Variants in SIRPA observed in about 807,000 individuals in gnomAD.
The protein encoded by SIRPA is tyrosine-protein phosphatase non-receptor type substrate 1.
In SIRPA, 9 loss-of-function variants were observed where a neutral mutation model predicts 50.3. The observed-to-expected ratio is 0.18, with a 90% CI of 0.11 to 0.31. The LOEUF is 0.31. SIRPA is among the 10% of genes least tolerant of loss of function. The pLI is 1.00. For missense variants in SIRPA, 474 were observed against 661.6 expected, an observed-to-expected ratio of 0.72 and a Z score of 3.11; for synonymous variants, 265 against 284.1, an observed-to-expected ratio of 0.93 and a Z score of 0.68.
rs1457787574 is a variant in SIRPA at position 1,928,692 on chromosome 20, G to T, written c.1226+793G>T. On this transcript the variant is annotated intron_variant, in intron 6 of 7. Transcript: ENST00000358771. The surrounding 1 kb of genome is among the most constrained non-coding windows in gnomAD (Gnocchi z 4.9). ...GCCTCTGAAAAGGGGATGCAAACGG[G>T]TGCCTGAAACTAGTGAGCTATGTTG... is the stretch of plus-strand genomic sequence containing the variant. 1.3e-5 allele frequency among the ~76,000 whole-genome samples: 2 copies of T among 152,150 alleles called. No individual in the cohort carries two copies. The highest frequency in any genetic ancestry group is 2.9e-5 in the Non-Finnish European group (2 of 68,038).
chr20:1,926,061 G>C (rs1985958320), intron 5 of SIRPA, among the ~76,000 whole-genome samples: 1 of 152,196 alleles, frequency 6.6e-6, no homozygotes, highest in African/African-American at 2.4e-5. Flanking sequence ...GCTGAGCTTG[G>C]TTGGGCACAT....
At chr20:1,925,210 A>C (rs754006419) in intron 5 of SIRPA, among the ~76,000 whole-genome samples, 13 of 152,192 alleles carry the variant, frequency 8.5e-5, no homozygotes, top group Non-Finnish European at 1.2e-4. Flanking sequence ...CTTTCCCAGG[A>C]GCCTCCCGGC....
Position 1,932,123 on chromosome 20 carries a change from A to C in SIRPA, c.1227-2592A>C, listed in dbSNP as rs1260897424. ...TGGACTGCTGACGATGTGCCAGCCC[A>C]GTTCTTGGTGCTGGGGCTTCAGCAG... On this transcript the variant is annotated intron_variant, in intron 6 of 7. Transcript: ENST00000358771. The surrounding 1 kb of genome is among the most constrained non-coding windows in gnomAD (Gnocchi z 6.0). Among the ~76,000 whole-genome samples the C allele has an allele frequency of 6.6e-6, 1 of 152,170 alleles. No individual in the cohort carries two copies.
rs1251541267 is a variant in SIRPA at position 1,933,112 on chromosome 20, G to T, written c.1227-1603G>T. Among the ~76,000 whole-genome samples, 1 of 152,210 alleles carries T rather than the reference G, an allele frequency of 6.6e-6. No homozygotes were observed. Among genetic ancestry groups the T allele is most frequent in the African/African-American group, 2.4e-5 (1 of 41,456 alleles). On this transcript the variant is annotated intron_variant, in intron 6 of 7. Coordinates refer to ENST00000358771, the MANE Select transcript of SIRPA (RefSeq NM_001040023.2). This position sits in a 1 kb window ranked among gnomAD's most constrained non-coding sequence, Gnocchi z 4.4. ...GCATGGAGCATGCAAAGGCCCTGGG[G>T]CAGCCTGACTGGCATTCATTCCAAG...
chr20:1,931,437 GCTGT>G (rs1986293251), intron 6 of SIRPA, among the ~76,000 whole-genome samples: 1 of 152,246 alleles, frequency 6.6e-6, no homozygotes, highest in East Asian at 1.9e-4. Context: ...CATGCTTCTT[GCTGT>G]CTATTTCTTC....
chr20:1,901,811 A>G (rs1984229324), intron 1 of SIRPA, among the ~76,000 whole-genome samples: 1 of 152,180 alleles, frequency 6.6e-6, no homozygotes, highest in African/African-American at 2.4e-5. Context: ...ATTAGCGCCA[A>G]GAGCCCAAGG....
At chr20:1,917,309 A>G (rs946270544) in intron 2 of SIRPA, among the ~76,000 whole-genome samples, 2 of 152,152 alleles carry the variant, frequency 1.3e-5, no homozygotes, top group African/African-American at 4.8e-5. Context: ...TGGGGGAGCC[A>G]AGGTTTGATC....
In SIRPA at chr20:1,911,421, G is replaced by A. The variant is rs1984879498; in HGVS notation, c.80-3678G>A. 2.0e-5 allele frequency among the ~76,000 whole-genome samples: 3 copies of A among 152,058 alleles called. No homozygotes were observed. The South Asian group carries it at 6.2e-4, about 31-fold the overall frequency. ...TCTCTAAATGCCTTGCAATGAACAG[G>A]TTTTATTTGCATAAACACAATATTA... On this transcript the variant is annotated intron_variant, in intron 1 of 7. Coordinates refer to ENST00000358771, the MANE Select transcript of SIRPA (RefSeq NM_001040023.2).
At chr20:1,920,249 G>A (rs1168925014) in intron 2 of SIRPA, among the ~76,000 whole-genome samples, 3 of 152,212 alleles carry the variant, frequency 2.0e-5, no homozygotes, top group Admixed American at 6.5e-5. Flanking sequence ...CAGCCCTGTG[G>A]GGACATCCAG....
rs1449394046 is a variant in SIRPA, at chr20:1,924,344, C to A, written c.1088-420C>A. On this transcript the variant is annotated intron_variant, in intron 4 of 7. Transcript: ENST00000358771. This position sits in a 1 kb window ranked among gnomAD's most constrained non-coding sequence, Gnocchi z 4.5. ...GCTGGGCACAGACCGGTCGTCAGCC[C>A]CTGAGCTGTGCAGAGCCTGCTGGCC... Among the ~76,000 whole-genome samples, 3 of 152,176 alleles carry A rather than the reference C, an allele frequency of 2.0e-5. No homozygotes were observed. The highest frequency in any genetic ancestry group is 7.2e-5 in the African/African-American group (3 of 41,446).
chr20:1,905,194 A>G (rs1984473886), intron 1 of SIRPA, among the ~76,000 whole-genome samples: 1 of 152,220 alleles, frequency 6.6e-6, no homozygotes, highest in Non-Finnish European at 1.5e-5. Context: ...AAACCCTGGC[A>G]AATGTCGTTT....
At chr20:1,901,614 G>C (rs1030160682) in intron 1 of SIRPA, among the ~76,000 whole-genome samples, 1 of 152,104 alleles carries the variant, frequency 6.6e-6, no homozygotes, top group Non-Finnish European at 1.5e-5. Context: ...GGTGTTCCTG[G>C]GATGGGTATT....
At chr20:1,913,005 C>T (rs933219735) in intron 1 of SIRPA, among the ~76,000 whole-genome samples, 7 of 152,220 alleles carry the variant, frequency 4.6e-5, no homozygotes, top group Non-Finnish European at 8.8e-5. Context: ...GGCTGGGCCT[C>T]TGTCCACTGT....
At chr20:1,926,060 G>C (rs1158992777) in intron 5 of SIRPA, among the ~76,000 whole-genome samples, 1 of 152,210 alleles carries the variant, frequency 6.6e-6, no homozygotes, top group Non-Finnish European at 1.5e-5. Flanking sequence ...AGCTGAGCTT[G>C]GTTGGGCACA....
At position 1,928,833 on chromosome 20, in the gene SIRPA, G is replaced by T. The variant is rs1290632791; in HGVS notation, c.1226+934G>T. 2.0e-5 allele frequency among the ~76,000 whole-genome samples: 3 copies of T among 152,164 alleles called. 1 individual carries two copies. Among genetic ancestry groups the T allele is most frequent in the African/African-American group, 7.2e-5 (3 of 41,440 alleles). On this transcript the variant is annotated intron_variant, in intron 6 of 7. Transcript: ENST00000358771. The surrounding 1 kb of genome is among the most constrained non-coding windows in gnomAD (Gnocchi z 4.9). ...CGGCATCCCGGTGTCCTTTGCAGAT[G>T]CCCCTGCAGTCAGAGGTGTTACGAA...
In SIRPA at chr20:1,895,516, C is replaced by T. The variant is rs1040190802; in HGVS notation, c.69C>T (p.Cys23=). 3 of 1,459,922 alleles carry T rather than the reference C, an allele frequency of 2.1e-6. No individual in the cohort carries two copies. Among genetic ancestry groups the T allele is most frequent in the African/African-American group, 3.0e-5 (2 of 67,604 alleles). The allele number at this position is 1,459,922 out of a possible 1,614,324, so 90.4% of individuals were successfully genotyped here. A position where few individuals can be genotyped will look rare whatever the true frequency, so the allele number is the denominator to read the frequency against. The change falls in exon 1 of 8, where the codon TGC becomes TGT. Residue 23 remains cysteine, a synonymous_variant. Transcript: ENST00000358771. ...PLLCLLLAAS[C]AWSGVAGEEE... Reference sequence around the variant, plus strand: ...TCTGCCTGCTGCTCGCCGCGTCCTGCGCCTGGTCAGGTAAGCACCCCCCCG... The same window carrying T: ...TCTGCCTGCTGCTCGCCGCGTCCTGTGCCTGGTCAGGTAAGCACCCCCCCG...
chr20:1,923,580 G>C (rs1472290834), intron 4 of SIRPA, among the ~76,000 whole-genome samples: 1 of 152,228 alleles, frequency 6.6e-6, no homozygotes, highest in Non-Finnish European at 1.5e-5. Flanking sequence ...CCAATGCCGG[G>C]TTTTCCTAGG....
chr20:1,907,418 C>T (rs1463992126), intron 1 of SIRPA, among the ~76,000 whole-genome samples: 1 of 152,212 alleles, frequency 6.6e-6, no homozygotes, highest in Non-Finnish European at 1.5e-5. Context: ...AGCCCAGTCC[C>T]AGGTCCTCCC....
chr20:1,919,274 C>T (rs114249973), intron 2 of SIRPA, among the ~76,000 whole-genome samples: 2,136 of 152,332 alleles, frequency 0.014, 66 homozygotes, highest in African/African-American at 0.048. Context: ...TGGCATGGGC[C>T]TAGGCATCTA....
Sources: gnomAD v4.1 joint callset for allele counts (sites outside exome capture counted in the v4.1 genomes callset) on GRCh38, gnomAD v4.1.1 for gene constraint, Gnocchi (gnomAD v3.1) non-coding constraint, MANE v1.5 for transcripts, NCBI Gene and HGNC (gene_info 2026-07-23, HGNC 2026-07-21) for gene names.